BCKDHB: variants seen among roughly 807,000 people sequenced by gnomAD.
The protein encoded by BCKDHB is 2-oxoisovalerate dehydrogenase subunit beta, mitochondrial.
A neutral mutation model predicts 48.5 loss-of-function variants in BCKDHB; 41 were observed. The observed-to-expected ratio is 0.85, with a 90% CI of 0.66 to 1.10. The LOEUF is 1.10. BCKDHB is among the 50% of genes least tolerant of loss of function. The pLI is 0.00. For missense variants in BCKDHB, 496 were observed against 494.2 expected (o/e 1.00, Z -0.03); for synonymous variants, 201 against 174.8 (o/e 1.15, Z -1.18).
At chr6:80,186,357 C>T (rs112582260) in intron 6 of BCKDHB, among the ~76,000 whole-genome samples, 19 of 152,270 alleles carry the variant, frequency 1.2e-4, no homozygotes, top group African/African-American at 4.6e-4. Flanking sequence ...GGAAAGCCGG[C>T]AGTGACAGGC....
chr6:80,121,394 G>T (rs866788155), intron 1 of BCKDHB, among the ~76,000 whole-genome samples: 7 of 152,110 alleles, frequency 4.6e-5, no homozygotes, highest in Admixed American at 1.3e-4. Context: ...TTCCAATTCT[G>T]TGAAGAAAGT....
intron 6 of BCKDHB, among the ~76,000 whole-genome samples, chr6:80,182,006 A>G (rs559773216): frequency 6.6e-6 from 1 of 152,148 alleles, no homozygotes; most frequent in Non-Finnish European, 1.5e-5. Context: ...TATACTTTTA[A>G]ACGTATATTA....
At chr6:80,409,575 CATATATATATATATAT>C in the BCKDHB span, among the ~76,000 whole-genome samples, 1,901 of 49,880 alleles carry the variant, frequency 0.038, 54 homozygotes, top group Non-Finnish European at 0.067. Context: ...GTATTGGTTG[CATATATATATATATAT>C]ATATATATAT....
At chr6:80,343,044 A>G (rs1026377115) in intron 9 of BCKDHB, among the ~76,000 whole-genome samples, 1 of 152,156 alleles carries the variant, frequency 6.6e-6, no homozygotes, top group African/African-American at 2.4e-5. Context: ...CTGTCAAGGA[A>G]GGCTTCCCAG....
At chr6:80,367,214 C>T in the BCKDHB span, among the ~76,000 whole-genome samples, 1,168 of 151,944 alleles carry the variant, frequency 7.7e-3, 12 homozygotes, top group African/African-American at 0.027. Context: ...CACTTTCTCT[C>T]GATTTGTCAT....
rs551632775 is a variant in BCKDHB at position 80,230,026 on chromosome 6, G to GTT, written c.951+26843_951+26844dup. Among the ~76,000 whole-genome samples the GTT allele has an allele frequency of 2.5e-3, 149 of 60,650 alleles. 9 individuals carry two copies. The highest frequency in any genetic ancestry group is 3.2e-3 in the Non-Finnish European group (114 of 35,350). 39.8% of individuals were successfully genotyped at this position (60,650 alleles called of 152,430 possible). A position where few individuals can be genotyped will look rare whatever the true frequency, so the allele number is the denominator to read the frequency against. ...TGAATTCCAAAGGGGTTTTTAGGTT[G>GTT]TTTTTTTTTTTTTTTTTTTTTTTTT... is the stretch of plus-strand genomic sequence containing the variant. On this transcript the variant is annotated intron_variant, in intron 8 of 9. Transcript: ENST00000320393.
the BCKDHB span, among the ~76,000 whole-genome samples, chr6:80,372,000 T>C: frequency 6.6e-6 from 1 of 152,240 alleles, no homozygotes; most frequent in South Asian, 2.1e-4. Context: ...TTGGATTGTT[T>C]TTCCTAGATG....
chr6:80,343,005 C>T (rs1769999883), intron 9 of BCKDHB, among the ~76,000 whole-genome samples: 1 of 152,172 alleles, frequency 6.6e-6, no homozygotes, highest in Admixed American at 6.5e-5. Context: ...AAGCCCCTTC[C>T]TCATCTGCCC....
chr6:80,383,171 C>A, the BCKDHB span, among the ~76,000 whole-genome samples: 3 of 152,228 alleles, frequency 2.0e-5, no homozygotes, highest in African/African-American at 4.8e-5. Context: ...AAAATGTCAT[C>A]TTTTTTACTT....
intron 1 of BCKDHB, among the ~76,000 whole-genome samples, chr6:80,116,638 G>C (rs1309159236): frequency 1.3e-5 from 2 of 152,194 alleles, no homozygotes; most frequent in African/African-American, 4.8e-5. Context: ...CTCAATGCCA[G>C]CCACAGAGCC....
chr6:80,168,948 C>T lies in BCKDHB; in HGVS notation c.551C>T (p.Ser184Phe), dbSNP rs187245873. The T allele has an allele frequency of 6.2e-7, 1 of 1,614,154 alleles. No individual in the cohort carries two copies. The highest frequency in any genetic ancestry group is 8.5e-7 in the Non-Finnish European group (1 of 1,180,012). ...LFNCGSLTIR[S>F]PWGCVGHGAL... ...AACTGTGGAAGCCTCACTATCCGGT[C>T]CCCTTGGGGCTGTGTTGGTCATGGG... The change falls in exon 5 of 10, where the codon TCC (serine) becomes TTC (phenylalanine). Residue 184 changes from serine to phenylalanine, a missense_variant. Ser to Phe is a radical substitution (Grantham distance 155). Transcript: ENST00000320393.
At chr6:80,451,654 G>C in the BCKDHB span, among the ~76,000 whole-genome samples, 3 of 151,916 alleles carry the variant, frequency 2.0e-5, no homozygotes, top group African/African-American at 7.2e-5. Context: ...ACTTCAACCT[G>C]GGAAGCGGAG....
intron 1 of BCKDHB, among the ~76,000 whole-genome samples, chr6:80,124,450 T>C (rs1258396509): frequency 1.3e-5 from 2 of 151,956 alleles, no homozygotes; most frequent in East Asian, 3.8e-4. Context: ...GATATCCTTG[T>C]TAACCTTGTT....
the BCKDHB span, among the ~76,000 whole-genome samples, chr6:80,387,557 G>T: frequency 6.6e-6 from 1 of 152,312 alleles, no homozygotes; most frequent in South Asian, 2.1e-4. Context: ...TAACTAAGTG[G>T]TGACTCCAAT....
the BCKDHB span, among the ~76,000 whole-genome samples, chr6:80,408,485 C>G: frequency 6.6e-6 from 1 of 151,964 alleles, no homozygotes; most frequent in African/African-American, 2.4e-5. Context: ...CTATCTGGTC[C>G]TGGACTTTTT....
chr6:80,120,581 G>T (rs1347307385), intron 1 of BCKDHB, among the ~76,000 whole-genome samples: 1 of 152,124 alleles, frequency 6.6e-6, no homozygotes, highest in Non-Finnish European at 1.5e-5. Flanking sequence ...GTATCTCATT[G>T]TGATTTTGAT....
the BCKDHB span, among the ~76,000 whole-genome samples, chr6:80,457,165 G>A: frequency 6.6e-6 from 1 of 152,190 alleles, no homozygotes; most frequent in Admixed American, 6.5e-5. Context: ...AATGAAATAG[G>A]AAGTAACCTC....
At chr6:80,284,251 C>T (rs1413078233) in intron 9 of BCKDHB, among the ~76,000 whole-genome samples, 2 of 152,110 alleles carry the variant, frequency 1.3e-5, no homozygotes, top group Non-Finnish European at 2.9e-5. Flanking sequence ...ACTGCTGATG[C>T]ATTTTCTCCT....
chr6:80,108,125 C>G (rs1769221715), intron 1 of BCKDHB, among the ~76,000 whole-genome samples: 1 of 152,020 alleles, frequency 6.6e-6, no homozygotes, highest in Non-Finnish European at 1.5e-5. Flanking sequence ...AGTCTTGAGA[C>G]AGTTTGACCA....
Sources: allele counts gnomAD v4.1 joint callset (sites outside exome capture counted in the v4.1 genomes callset), GRCh38; gene constraint gnomAD v4.1.1; transcripts MANE v1.5; gene names NCBI Gene and HGNC (gene_info 2026-07-23, HGNC 2026-07-21).